The following GIGYF2 variants were observed in gnomAD, a reference collection of about 807,000 sequenced individuals.
GIGYF2 encodes the protein GRB10 interacting GYF protein 2.
A neutral mutation model predicts 208.1 loss-of-function variants in GIGYF2; 25 were observed. The ratio of observed to expected loss-of-function variants is 0.12; its 90% confidence interval spans 0.09 to 0.17. GIGYF2 has a LOEUF of 0.17. Among genes scored for constraint, GIGYF2 ranks in the 10% least tolerant of loss-of-function variants. The pLI is 1.00. For missense variants in GIGYF2, 1,302 were observed against 1,579.4 expected, an observed-to-expected ratio of 0.82 and a Z score of 2.98; for synonymous variants, 534 against 543.8, an observed-to-expected ratio of 0.98 and a Z score of 0.25.
At chr2:232,836,275 T>C (rs189301232) in intron 22 of GIGYF2, among the ~76,000 whole-genome samples, 338 of 4,580 alleles carry the variant, frequency 0.074, 15 homozygotes, top group African/African-American at 0.2. Context: ...TATATATATA[T>C]ATATATATAT....
intron 9 of GIGYF2, 95 bp from the exon 10 acceptor site, chr2:232,790,603 C>T: frequency 2.8e-6 from 3 of 1,053,142 alleles, no homozygotes; most frequent in Non-Finnish European, 4.5e-6. Flanking sequence ...TTTGCGGTCA[C>T]TTGTAGTTTT....
At chr2:232,710,180 C>G (rs1418452458) in intron 2 of GIGYF2, among the ~76,000 whole-genome samples, 1 of 151,806 alleles carries the variant, frequency 6.6e-6, no homozygotes, top group Admixed American at 6.6e-5. Context: ...AGGATGGTCT[C>G]GATCTCCTGA....
intron 8 of GIGYF2, among the ~76,000 whole-genome samples, chr2:232,762,240 T>TGG (rs1698771873): frequency 1.1e-4 from 6 of 54,912 alleles, no homozygotes; most frequent in Non-Finnish European, 3.5e-5. Context: ...TTTTTTTTGT[T>TGG]TTTTTTTTTG....
chr2:232,772,851 G>C (rs922215448), intron 8 of GIGYF2, among the ~76,000 whole-genome samples: 4 of 152,174 alleles, frequency 2.6e-5, no homozygotes, highest in Non-Finnish European at 5.9e-5. Flanking sequence ...CTAGGTTGTT[G>C]CTTGGGTTTC....
intron 20 of GIGYF2, 27 bp from the exon 21 acceptor site, chr2:232,819,800 C>G: frequency 3.3e-6 from 1 of 304,152 alleles, no homozygotes; most frequent in Non-Finnish European, 6.5e-6. Flanking sequence ...CCTCCCCCAC[C>G]CCCCACCCTC....
At chr2:232,718,297 C>T (rs956668803) in intron 2 of GIGYF2, among the ~76,000 whole-genome samples, 7 of 152,156 alleles carry the variant, frequency 4.6e-5, no homozygotes, top group Admixed American at 2.6e-4. Flanking sequence ...AGGGTTTCAC[C>T]GTTGTTGGTC....
chr2:232,811,822 T>C (rs1700742468), intron 17 of GIGYF2, among the ~76,000 whole-genome samples: 1 of 152,234 alleles, frequency 6.6e-6, no homozygotes, highest in Non-Finnish European at 1.5e-5. Context: ...ATATTTCTCC[T>C]GAACAAGTAT....
chr2:232,730,120 C>T, intron 2 of GIGYF2: 1 of 1,472,782 alleles, frequency 6.8e-7, no homozygotes, highest in Middle Eastern at 1.9e-4. Flanking sequence ...GGCACATACC[C>T]CTCGATGTAG....
At chr2:232,741,804 T>C (rs1697976670) in intron 3 of GIGYF2, among the ~76,000 whole-genome samples, 1 of 152,176 alleles carries the variant, frequency 6.6e-6, no homozygotes, top group Non-Finnish European at 1.5e-5. Flanking sequence ...AATCTTAAAA[T>C]GTAAATTAGA....
intron 8 of GIGYF2, among the ~76,000 whole-genome samples, chr2:232,783,063 T>C (rs1699773979): frequency 6.6e-6 from 1 of 152,244 alleles, no homozygotes; most frequent in African/African-American, 2.4e-5. Flanking sequence ...TGAGGTCTTT[T>C]CACCCTTATG....
rs1243511690 is a variant in GIGYF2 at position 232,796,355 on chromosome 2, C to T, written c.1639+134C>T. On this transcript the variant is annotated intron_variant, in intron 14 of 28. Transcript: ENST00000373563. Reference sequence around the variant, plus strand: ...GCACACACGCGCGCACACACGCAGACTAGAAGTGTTTCTGATTTCAGATGT... The same window carrying T: ...GCACACACGCGCGCACACACGCAGATTAGAAGTGTTTCTGATTTCAGATGT... The T allele has an allele frequency of 4.3e-6, 3 of 691,874 alleles. No homozygotes were observed. In the African/African-American group the frequency reaches 5.4e-5, roughly 12 times the overall value. The allele number at this position is 691,874 out of a possible 1,614,324, so 42.9% of individuals were successfully genotyped here.
chr2:232,755,750 G>C (rs1275839621), intron 5 of GIGYF2, among the ~76,000 whole-genome samples: 2 of 152,094 alleles, frequency 1.3e-5, no homozygotes, highest in South Asian at 2.1e-4. Flanking sequence ...ATACTACTTG[G>C]AGTTGCTAAT....
chr2:232,802,015 T>G (rs534098413), intron 14 of GIGYF2, among the ~76,000 whole-genome samples: 1 of 152,358 alleles, frequency 6.6e-6, no homozygotes, highest in African/African-American at 2.4e-5. Flanking sequence ...AAGTATGTAT[T>G]CTTTTTGATG....
intron 22 of GIGYF2, among the ~76,000 whole-genome samples, chr2:232,837,289 T>A (rs1297762876): frequency 6.6e-6 from 1 of 152,210 alleles, no homozygotes; most frequent in Non-Finnish European, 1.5e-5. Flanking sequence ...GTGTCTTGAC[T>A]GTACCAGTCT....
intron 8 of GIGYF2, chr2:232,765,297 T>C (rs1698909986): frequency 6.6e-6 from 1 of 152,202 alleles, no homozygotes; most frequent in South Asian, 2.1e-4. Context: ...GGCACACTGA[T>C]ACATTGATCA....
chr2:232,819,368 G>A (rs559639594), intron 20 of GIGYF2, among the ~76,000 whole-genome samples: 2 of 152,110 alleles, frequency 1.3e-5, no homozygotes, highest in South Asian at 4.2e-4. Flanking sequence ...ACACGTTCTG[G>A]GACACATGGC....
rs1015668287 is a variant in GIGYF2 at position 232,814,569 on chromosome 2, C to A, written c.2108-1068C>A. ...CAGAGTGAGACTCCACCTCAAACCCCCCCCCCCCAAAAAAAAAGTACCTTC... is the reference window on the plus strand; with the variant it reads ...CAGAGTGAGACTCCACCTCAAACCCACCCCCCCCAAAAAAAAAGTACCTTC... On this transcript the variant is annotated intron_variant, in intron 18 of 28. Coordinates refer to ENST00000373563, the MANE Select transcript of GIGYF2 (RefSeq NM_001103146.3). Among the ~76,000 whole-genome samples the A allele has an allele frequency of 2.3e-3, 296 of 126,598 alleles. 15 individuals carry two copies. The highest frequency in any genetic ancestry group is 8.0e-3 in the African/African-American group (283 of 35,516). The allele number at this position is 126,598 out of a possible 152,430, so 83.1% of individuals were successfully genotyped here. A position where few individuals can be genotyped will look rare whatever the true frequency, so the allele number is the denominator to read the frequency against.
At chr2:232,811,147 C>T in intron 16 of GIGYF2, 97 bp from the exon 17 acceptor site, 1 of 722,792 alleles carries the variant, frequency 1.4e-6, no homozygotes. Context: ...AATAATGTCT[C>T]CTGGGGGGCT....
chr2:232,850,303 A>G lies in GIGYF2; in HGVS notation c.3726A>G (p.Val1242=), dbSNP rs2106431856. Residue 1242 remains valine (V), a synonymous_variant, in exon 28 of 29, where the codon GTA becomes GTG. Transcript: ENST00000373563. Reference sequence around the variant, plus strand: ...TGAACCACAGTACACTCCATTCAGTATTTCAGACCAATCAAAGCAACAACC... The same window carrying G: ...TGAACCACAGTACACTCCATTCAGTGTTTCAGACCAATCAAAGCAACAACC... ...WGMNHSTLHS[V]FQTNQSNNQQ... 6.2e-7 allele frequency: 1 copy of G among 1,613,662 alleles called. No homozygotes were observed. The highest frequency in any genetic ancestry group is 1.3e-5 in the African/African-American group (1 of 75,006).
Sources: gnomAD v4.1 joint callset for allele counts (sites outside exome capture counted in the v4.1 genomes callset) on GRCh38, gnomAD v4.1.1 for gene constraint, MANE v1.5 for transcripts, NCBI Gene and HGNC (gene_info 2026-07-23, HGNC 2026-07-21) for gene names.